NAALADL2: variants seen among roughly 807,000 people sequenced by gnomAD.
NAALADL2 encodes inactive N-acetylated-alpha-linked acidic dipeptidase-like protein 2.
In NAALADL2, 76 loss-of-function variants were observed where a neutral mutation model predicts 87.2. That is an observed-to-expected ratio of 0.87 (90% confidence interval 0.72 to 1.05). The LOEUF (loss-of-function observed/expected upper bound fraction) is 1.05. Ranked by LOEUF, NAALADL2 falls within the 50% of genes least tolerant of loss-of-function variation. The pLI is 0.00. For missense variants in NAALADL2, 1,089 were observed against 945.8 expected, an observed-to-expected ratio of 1.15 and a Z score of -1.99; for synonymous variants, 354 against 331.0, an observed-to-expected ratio of 1.07 and a Z score of -0.75.
chr3:174,586,155 G>A (rs1411363172), intron 2 of NAALADL2, among the ~76,000 whole-genome samples: 1 of 152,092 alleles, frequency 6.6e-6, no homozygotes, highest in East Asian at 1.9e-4. Flanking sequence ...ACGGATATTT[G>A]TTCATCTATG....
At chr3:175,100,843 A>AG (rs1722028336) in intron 2 of NAALADL2, among the ~76,000 whole-genome samples, 2 of 151,348 alleles carry the variant, frequency 1.3e-5, no homozygotes, top group Admixed American at 6.6e-5. Context: ...TGTCTCAAAA[A>AG]AAAAAAAAAA....
chr3:174,666,774 A>G (rs1051935954), intron 2 of NAALADL2, among the ~76,000 whole-genome samples: 18 of 152,164 alleles, frequency 1.2e-4, no homozygotes, highest in Non-Finnish European at 7.4e-5. Flanking sequence ...TTGTTCAACA[A>G]AACTCTAGAA....
At chr3:175,645,394 T>C (rs1039385175) in intron 11 of NAALADL2, among the ~76,000 whole-genome samples, 6 of 152,086 alleles carry the variant, frequency 3.9e-5, no homozygotes, top group African/African-American at 1.4e-4. Flanking sequence ...AGGAAGTAGA[T>C]ATCACAAAAA....
At chr3:175,331,490 C>G (rs1761392911) in intron 5 of NAALADL2, among the ~76,000 whole-genome samples, 1 of 152,112 alleles carries the variant, frequency 6.6e-6, no homozygotes, top group Non-Finnish European at 1.5e-5. Flanking sequence ...ATGATAAACA[C>G]TGATAAAACG....
chr3:175,519,091 G>A (rs896749780), intron 9 of NAALADL2, among the ~76,000 whole-genome samples: 1 of 152,206 alleles, frequency 6.6e-6, no homozygotes, highest in Non-Finnish European at 1.5e-5. Flanking sequence ...TGGCCTCTCT[G>A]AGCATGTATT....
chr3:175,250,170 A>T (rs1748779241), intron 3 of NAALADL2, among the ~76,000 whole-genome samples: 1 of 131,868 alleles, frequency 7.6e-6, no homozygotes, highest in Non-Finnish European at 1.6e-5. Context: ...ATTCGGTCTT[A>T]AAAAAAAAAA....
chr3:174,763,051 T>G (rs1019364883), intron 3 of NAALADL2, among the ~76,000 whole-genome samples: 3 of 152,264 alleles, frequency 2.0e-5, no homozygotes, highest in South Asian at 2.1e-4. Context: ...AATTAATCAA[T>G]GTACAGTTAC....
chr3:175,146,420 G>A (rs914727310), intron 2 of NAALADL2, among the ~76,000 whole-genome samples: 18 of 152,100 alleles, frequency 1.2e-4, no homozygotes, highest in Admixed American at 1.2e-3. Flanking sequence ...GAGTTTTACA[G>A]CCTGAGTTTT....
At chr3:175,167,964 A>G (rs1734229700) in intron 2 of NAALADL2, among the ~76,000 whole-genome samples, 1 of 151,986 alleles carries the variant, frequency 6.6e-6, no homozygotes. Flanking sequence ...TGTATTAATG[A>G]CCCAGAACAA....
chr3:174,691,020 C>A (rs1272432928), intron 2 of NAALADL2, among the ~76,000 whole-genome samples: 3 of 152,112 alleles, frequency 2.0e-5, no homozygotes, highest in African/African-American at 4.8e-5. Flanking sequence ...TCTGCCTTCC[C>A]AACGCATATA....
chr3:174,888,531 C>T (rs781369969), intron 1 of NAALADL2, among the ~76,000 whole-genome samples: 1 of 152,128 alleles, frequency 6.6e-6, no homozygotes, highest in Non-Finnish European at 1.5e-5. Context: ...TTATTCCATC[C>T]CATATTTCTA....
In NAALADL2 at chr3:175,781,845, A is replaced by G. The variant is rs922273943; in HGVS notation, c.2190-21160A>G. ...CATCTAGCATTAGGTGTATCTCCCA[A>G]TGCTATCCCTCCCCCCCACCCCACC... On this transcript the variant is annotated intron_variant, in intron 13 of 13. Coordinates refer to ENST00000454872, the MANE Select transcript of NAALADL2 (RefSeq NM_207015.3). Among the ~76,000 whole-genome samples the G allele has an allele frequency of 4.6e-5, 7 of 151,662 alleles. No homozygotes were observed. In the South Asian group the frequency reaches 1.0e-3, roughly 23 times the overall value.
chr3:175,331,129 A>C (rs1439771448), intron 5 of NAALADL2, among the ~76,000 whole-genome samples: 2 of 152,168 alleles, frequency 1.3e-5, no homozygotes, highest in African/African-American at 4.8e-5. Flanking sequence ...ACCAATAACA[A>C]GTAATAAAAT....
intron 1 of NAALADL2, among the ~76,000 whole-genome samples, chr3:174,859,663 A>G (rs547021770): frequency 6.6e-6 from 1 of 152,216 alleles, no homozygotes; most frequent in South Asian, 2.1e-4. Context: ...GTTGTTTACA[A>G]AGACTCAGGC....
chr3:174,463,104 C>T (rs907208471), intron 1 of NAALADL2, among the ~76,000 whole-genome samples: 4 of 152,140 alleles, frequency 2.6e-5, no homozygotes, highest in Admixed American at 1.3e-4. Context: ...ACAGAGTAGA[C>T]AGTTAAGAAA....
intron 2 of NAALADL2, among the ~76,000 whole-genome samples, chr3:174,606,629 A>G (rs1252475509): frequency 1.3e-5 from 2 of 152,262 alleles, no homozygotes; most frequent in African/African-American, 4.8e-5. Flanking sequence ...AAAAAAGAAT[A>G]AAAAGAAATG....
chr3:174,743,326 C>A (rs1394682016), intron 3 of NAALADL2, among the ~76,000 whole-genome samples: 1 of 151,758 alleles, frequency 6.6e-6, no homozygotes, highest in Non-Finnish European at 1.5e-5. Flanking sequence ...GTCTCCAGAG[C>A]ACGTTTTATA....
intron 10 of NAALADL2, among the ~76,000 whole-genome samples, chr3:175,587,079 G>T (rs1442188364): frequency 5.9e-5 from 9 of 152,134 alleles, no homozygotes. Context: ...GATGTGCATG[G>T]CCCTGACTCC....
intron 1 of NAALADL2, among the ~76,000 whole-genome samples, chr3:174,536,940 A>T (rs1277060644): frequency 6.6e-6 from 1 of 152,214 alleles, no homozygotes; most frequent in Non-Finnish European, 1.5e-5. Flanking sequence ...AATGCAAATA[A>T]CAATATTACT....
Sources: gnomAD v4.1 joint callset for allele counts (sites outside exome capture counted in the v4.1 genomes callset) on GRCh38, gnomAD v4.1.1 for gene constraint, MANE v1.5 for transcripts, NCBI Gene and HGNC (gene_info 2026-07-23, HGNC 2026-07-21) for gene names.